Variants in LTF observed in about 807,000 individuals in gnomAD.
The protein encoded by LTF is epididymis luminal protein 110.
A neutral mutation model predicts 87.2 loss-of-function variants in LTF; 91 were observed. That is an observed-to-expected ratio of 1.04 (90% CI 0.88 to 1.24). The LOEUF (loss-of-function observed/expected upper bound fraction) is 1.24. Ranked by LOEUF, LTF falls within the 50% of genes most tolerant of loss-of-function variation. LTF has a pLI of 0.00. For synonymous variants in LTF, 378 were observed against 356.1 expected, an observed-to-expected ratio of 1.06 and a Z score of -0.69; for missense variants, 901 against 904.3, an observed-to-expected ratio of 1.00 and a Z score of 0.05.
At chr3:46,472,001 C>T (rs1393834776) in intron 1 of LTF, among the ~76,000 whole-genome samples, 2 of 152,160 alleles carry the variant, frequency 1.3e-5, no homozygotes, top group African/African-American at 4.8e-5. Context: ...GTTGGAGCCT[C>T]CAGAGGGTCC....
chr3:46,443,607 C>A (rs370591943), intron 12 of LTF, 25 bp from the exon 13 acceptor site: 19 of 1,613,164 alleles, frequency 1.2e-5, no homozygotes, highest in Non-Finnish European at 1.5e-5. Context: ...CACGGGGAGT[C>A]AGCTCTTCAA....
intron 16 of LTF, among the ~76,000 whole-genome samples, chr3:46,436,532 G>A (rs1356353120): frequency 6.6e-6 from 1 of 152,204 alleles, no homozygotes; most frequent in Non-Finnish European, 1.5e-5. Flanking sequence ...GACATTGGTG[G>A]TCCTCTAGCT....
intron 5 of LTF, 87 bp from the exon 6 acceptor site, chr3:46,454,447 T>C (rs992844338): frequency 4.4e-6 from 5 of 1,130,244 alleles, no homozygotes; most frequent in Admixed American, 3.4e-5. Flanking sequence ...ACTCAGCATC[T>C]ATGGGTTTCT....
chr3:46,465,741 T>C (rs1371486028), upstream of LTF, among the ~76,000 whole-genome samples: 1 of 152,202 alleles, frequency 6.6e-6, no homozygotes, highest in Non-Finnish European at 1.5e-5. Flanking sequence ...GAATACTGCT[T>C]CTAAGAATAC....
At chr3:46,440,957 A>G (rs1461745304) in intron 14 of LTF, among the ~76,000 whole-genome samples, 6 of 152,236 alleles carry the variant, frequency 3.9e-5, no homozygotes, top group African/African-American at 7.2e-5. Flanking sequence ...AGGAGTCTCC[A>G]GACCAAGGCT....
intron 12 of LTF, 135 bp from the exon 13 acceptor site, chr3:46,443,717 C>A: frequency 1.3e-6 from 1 of 789,804 alleles, no homozygotes; most frequent in South Asian, 1.6e-5. Context: ...ACACACTCAC[C>A]ATCACAAAGC....
chr3:46,474,142 C>T (rs1052089628), intron 1 of LTF, among the ~76,000 whole-genome samples: 2 of 152,148 alleles, frequency 1.3e-5, no homozygotes, highest in African/African-American at 2.4e-5. Flanking sequence ...AGTCTAAATA[C>T]TCCAATTAAA....
At chr3:46,458,080 G>A (rs1467547135) in intron 2 of LTF, among the ~76,000 whole-genome samples, 3 of 152,038 alleles carry the variant, frequency 2.0e-5, no homozygotes, top group East Asian at 1.9e-4. Context: ...CACCACGCCC[G>A]GCCTTGAGTT....
At chr3:46,443,645 C>T (rs1458592176) in intron 12 of LTF, 63 bp from the exon 13 acceptor site, 20 of 1,566,210 alleles carry the variant, frequency 1.3e-5, no homozygotes, top group Non-Finnish European at 1.8e-5. Context: ...CAACCTTTAC[C>T]TAACAGCCGA....
At chr3:46,441,328 A>G (rs1454746365) in intron 14 of LTF, 88 bp downstream of exon 14, 6 of 1,036,342 alleles carry the variant, frequency 5.8e-6, no homozygotes, top group African/African-American at 3.3e-5. Flanking sequence ...ATGTTATAAA[A>G]CCTTCCCAAA....
Position 46,482,676 on chromosome 3 carries a change from G to T in LTF, c.-320+2310C>A, listed in dbSNP as rs549891006. Among the ~76,000 whole-genome samples the T allele has an allele frequency of 1.0e-4, 12 of 115,486 alleles. 1 individual carries two copies. The highest frequency in any genetic ancestry group is 4.2e-4 in the African/African-American group (12 of 28,310). The allele number at this position is 115,486 out of a possible 152,430, so 75.8% of individuals were successfully genotyped here. A position where few individuals can be genotyped will look rare whatever the true frequency, so the allele number is the denominator to read the frequency against. On this transcript the variant is annotated intron_variant, in intron 1 of 19. Coordinates refer to the LTF transcript ENST00000443496. ...AGAAAGAAAGAAGGAAGGAAGGAAG[G>T]AAGGAAGGAAGGAAGGAAGGAAGGA...
upstream of LTF, chr3:46,464,986 C>T (rs983928094): frequency 1.0e-6 from 1 of 968,138 alleles, no homozygotes; most frequent in Non-Finnish European, 1.6e-6. Context: ...TCCCTCCCCA[C>T]TCCCCGCGGC....
At chr3:46,461,491 A>G (rs1200919824) in intron 1 of LTF, among the ~76,000 whole-genome samples, 1 of 152,234 alleles carries the variant, frequency 6.6e-6, no homozygotes, top group African/African-American at 2.4e-5. Flanking sequence ...CCACAACATG[A>G]ACGAGCCTCA....
intron 7 of LTF, among the ~76,000 whole-genome samples, 166 bp from the exon 8 acceptor site, chr3:46,450,194 C>G (rs1024369189): frequency 6.6e-6 from 1 of 152,150 alleles, no homozygotes; most frequent in South Asian, 2.1e-4. Flanking sequence ...GAGACCCAAG[C>G]TCAGCTATGG....
intron 2 of LTF, among the ~76,000 whole-genome samples, chr3:46,458,271 C>T (rs2106888898): frequency 6.6e-6 from 1 of 152,258 alleles, no homozygotes; most frequent in South Asian, 2.1e-4. Flanking sequence ...TCTATTTCCT[C>T]TACAGTTCTG....
intron 5 of LTF, 127 bp from the exon 6 acceptor site, chr3:46,454,487 T>C (rs1428017614): frequency 1.2e-6 from 1 of 856,594 alleles, no homozygotes; most frequent in African/African-American, 1.7e-5. Flanking sequence ...TCTGAAGCTT[T>C]GGGGCATCCC....
intron 16 of LTF, among the ~76,000 whole-genome samples, chr3:46,436,876 C>T (rs769275996): frequency 1.3e-5 from 2 of 152,238 alleles, no homozygotes; most frequent in Non-Finnish European, 2.9e-5. Context: ...AGGGGGCTGG[C>T]TGTGCTTTGT....
At chr3:46,457,687 C>G (rs1053151998) in intron 2 of LTF, among the ~76,000 whole-genome samples, 2 of 152,234 alleles carry the variant, frequency 1.3e-5, no homozygotes, top group African/African-American at 4.8e-5. Context: ...GGGAACATCT[C>G]ACAAGTATTT....
Position 46,459,792 on chromosome 3 carries a change from C to CT in LTF, c.70dup (p.Ser24LysfsTer56). The CT allele has an allele frequency of 2.1e-6, 3 of 1,426,370 alleles. No homozygotes were observed. Among genetic ancestry groups the CT allele is most frequent in the Middle Eastern group, 1.8e-4 (1 of 5,412 alleles). 88.4% of individuals were successfully genotyped at this position (1,426,370 alleles called of 1,614,324 possible). On this transcript the variant is annotated frameshift_variant, in exon 2 of 17. Coordinates refer to ENST00000231751, the MANE Select transcript of LTF (RefSeq NM_002343.6). LOFTEE classifies it high-confidence loss of function. The stretch of plus-strand genomic sequence containing the variant: ...TTGGGATACGGCGCACCACTGAACA[C>CT]TCCTCCTACGGCCAGCCAGACACAG...
Sources: allele counts gnomAD v4.1 joint callset (sites outside exome capture counted in the v4.1 genomes callset), GRCh38; gene constraint gnomAD v4.1.1; transcripts MANE v1.5; gene names NCBI Gene and HGNC (gene_info 2026-07-23, HGNC 2026-07-21).